Variants in PRELID1 observed in about 807,000 individuals in gnomAD.
PRELID1 encodes PRELI domain containing 1.
Under a neutral mutation model 29.0 loss-of-function variants are expected in PRELID1, and 15 were observed. That is an observed-to-expected ratio of 0.52 (90% CI 0.35 to 0.80). The LOEUF is 0.80. Among genes scored for constraint, PRELID1 ranks in the 30% least tolerant of loss-of-function variants. The probability of loss-of-function intolerance (pLI) is 0.01; values close to 1 mark genes in which losing one functional copy is unlikely to be tolerated. For synonymous variants in PRELID1, 79 were observed against 106.5 expected, an observed-to-expected ratio of 0.74 and a Z score of 1.59; for missense variants, 187 against 275.9, an observed-to-expected ratio of 0.68 and a Z score of 2.28.
rs745528950 is a variant in PRELID1, at chr5:177,306,550, C to G, written c.640C>G (p.Gln214Glu). Residue 214 changes from glutamine to glutamate, a missense_variant, in exon 5 of 5, where the codon CAG (glutamine) becomes GAG (glutamate). Physicochemically the swap from Gln to Glu is conservative, Grantham distance 29 (BLOSUM62 2). Coordinates refer to ENST00000303204, the MANE Select transcript of PRELID1 (RefSeq NM_013237.4). ...ASKAATKKQQ[Q>E]QQQFV ...CAAGGCGGCCACCAAGAAGCAGCAG[C>G]AGCAGCAACAGTTTGTGTAGCCAGT... The G allele has an allele frequency of 1.9e-6, 3 of 1,610,336 alleles. No individual in the cohort carries two copies. The highest frequency in any genetic ancestry group is 4.5e-5 in the East Asian group (2 of 44,830).
chr5:177,304,887 TCTCCC>T lies in PRELID1; in HGVS notation c.318+44_318+48del, dbSNP rs771364417. ...CCTGTTGTGATTCTGCACCTCCCCC[TCTCCC>T]CTCCCCCCGAGATAGAGAGCTCCTC... On this transcript the variant is annotated intron_variant, in intron 2 of 4. Coordinates refer to ENST00000303204, the MANE Select transcript of PRELID1 (RefSeq NM_013237.4). The T allele has an allele frequency of 3.6e-5, 54 of 1,499,662 alleles. No homozygotes were observed. In the South Asian group the frequency reaches 6.1e-4, roughly 17 times the overall value. 92.9% of individuals were successfully genotyped at this position (1,499,662 alleles called of 1,614,324 possible).
At position 177,304,013 on chromosome 5, in the gene PRELID1, G is replaced by A. The variant is rs1169460873; in HGVS notation, c.28G>A (p.Val10Met). The change falls in exon 1 of 5, where the codon GTG becomes ATG. Residue 10 changes from valine (V) to methionine (M), a missense_variant. By Grantham distance (21) the Val-to-Met change is conservative (BLOSUM62 1). Transcript: ENST00000303204. The stretch of plus-strand genomic sequence containing the variant: ...GGTGAAGTATTTCCTGGGCCAGAGC[G>A]TGCTCCGGAGTTCCTGGGACCAAGT... MVKYFLGQS[V>M]LRSSWDQVFA... 2.5e-6 allele frequency: 4 copies of A among 1,611,700 alleles called. No individual in the cohort carries two copies. In the African/African-American group the frequency reaches 5.3e-5, roughly 22 times the overall value.
In PRELID1 at chr5:177,306,092, T is replaced by C; in HGVS notation, c.433-6T>C. On this transcript the variant is annotated splice_region_variant and splice_polypyrimidine_tract_variant and intron_variant, in intron 3 of 4. Coordinates refer to ENST00000303204, the MANE Select transcript of PRELID1 (RefSeq NM_013237.4). ...CAGTATCCTTCCCATTCTCATCTCATGCCAGGAATTTGGTCTTGCCCGATT... is the reference window on the plus strand; with the variant it reads ...CAGTATCCTTCCCATTCTCATCTCACGCCAGGAATTTGGTCTTGCCCGATT... 6.2e-7 allele frequency: 1 copy of C among 1,609,992 alleles called. No individual in the cohort carries two copies. Among genetic ancestry groups the C allele is most frequent in the Admixed American group, 1.7e-5 (1 of 60,018 alleles).
chr5:177,306,704 T>G lies in PRELID1; in HGVS notation c.*134T>G. 1 of 1,315,968 alleles carries G rather than the reference T, an allele frequency of 7.6e-7. No individual in the cohort carries two copies. The highest frequency in any genetic ancestry group is 1.4e-5 in the South Asian group (1 of 71,504). 81.5% of individuals were successfully genotyped at this position (1,315,968 alleles called of 1,614,324 possible). Reference sequence around the variant, plus strand: ...CGTGGTGGGTTGTGGGGATGCAGTTTGGCATCTGCAGTACACCAAGCACAT... The same window carrying G: ...CGTGGTGGGTTGTGGGGATGCAGTTGGGCATCTGCAGTACACCAAGCACAT... On this transcript the variant is annotated 3_prime_UTR_variant, in exon 5 of 5. Transcript: ENST00000303204.
At position 177,304,313 on chromosome 5, in the gene PRELID1, C is replaced by T. The variant is rs141998193; in HGVS notation, c.92+236C>T. The T allele has an allele frequency of 4.0e-4, 242 of 598,872 alleles. 1 individual carries two copies. The African/African-American group carries it at 4.1e-3, about 10-fold the overall frequency. The allele number at this position is 598,872 out of a possible 1,614,324, so 37.1% of individuals were successfully genotyped here. A position where few individuals can be genotyped will look rare whatever the true frequency, so the allele number is the denominator to read the frequency against. On this transcript the variant is annotated intron_variant, in intron 1 of 4. Coordinates refer to ENST00000303204, the MANE Select transcript of PRELID1 (RefSeq NM_013237.4). ...CTCAGTGTGGTGAGACAAGAAGAGG[C>T]GGCAGTATGGGAGTTGGGAGGGATC...
chr5:177,306,403 C>T lies in PRELID1; in HGVS notation c.512-19C>T. ...CTTTCAGGCATCTTCTAAAGGCAGC[C>T]ACCTGCCGTTCGCGACAGGCGAGGC... is the stretch of plus-strand genomic sequence containing the variant. On this transcript the variant is annotated intron_variant, in intron 4 of 4. Transcript: ENST00000303204. 6.2e-7 allele frequency: 1 copy of T among 1,613,874 alleles called. No individual in the cohort carries two copies. Among genetic ancestry groups the T allele is most frequent in the South Asian group, 1.1e-5 (1 of 91,030 alleles).
In PRELID1 at chr5:177,306,002, G is replaced by T. The variant is rs1320989673; in HGVS notation, c.432+18G>T. 13 of 1,609,736 alleles carry T rather than the reference G, an allele frequency of 8.1e-6. No homozygotes were observed. Among genetic ancestry groups the T allele is most frequent in the South Asian group, 1.1e-5 (1 of 91,000 alleles). On this transcript the variant is annotated intron_variant, in intron 3 of 4. Coordinates refer to ENST00000303204, the MANE Select transcript of PRELID1 (RefSeq NM_013237.4). ...CTGTCCAGGTGAGCAGTGTTGTTGG[G>T]GCTGCTGGGGCTCTGGGACCCAGTG...
intron 1 of PRELID1, chr5:177,304,335 G>T: frequency 1.7e-6 from 1 of 598,758 alleles, no homozygotes; most frequent in South Asian, 2.0e-5. Context: ...AGTTGGGAGG[G>T]ATCTTGGAGT....
chr5:177,305,992 GTGT>G lies in PRELID1; in HGVS notation c.432+14_432+16del, dbSNP rs770226639. On this transcript the variant is annotated intron_variant, in intron 3 of 4. Coordinates refer to ENST00000303204, the MANE Select transcript of PRELID1 (RefSeq NM_013237.4). ...GTCTCCAGAGCTGTCCAGGTGAGCA[GTGT>G]TGTTGGGGCTGCTGGGGCTCTGGGA... The G allele has an allele frequency of 3.1e-6, 5 of 1,612,756 alleles. No homozygotes were observed. The East Asian group carries it at 8.9e-5, about 29-fold the overall frequency.
At position 177,306,490 on chromosome 5, in the gene PRELID1, C is replaced by T; in HGVS notation, c.580C>T (p.Leu194=). ...CAAGGAGAAGGCAAAGGAGACGGCA[C>T]TGGCAGCTACAGAGAAGGCCAAGGA... ...EAKEKAKETA[L]AATEKAKDLA... is the part of the protein sequence containing the mutation. The change falls in exon 5 of 5, where the codon CTG becomes TTG. Residue 194 remains leucine, a synonymous_variant. Coordinates refer to ENST00000303204, the MANE Select transcript of PRELID1 (RefSeq NM_013237.4). 6.2e-7 allele frequency: 1 copy of T among 1,613,908 alleles called. No homozygotes were observed. Among genetic ancestry groups the T allele is most frequent in the Non-Finnish European group, 8.5e-7 (1 of 1,179,914 alleles).
chr5:177,303,936 C>G lies in PRELID1; in HGVS notation c.-50C>G. ...GCCCGGCCCTCGCGTGCCTCCCAGG[C>G]TCCGCACCCCTGATGCTGCGCGGGT... is the stretch of plus-strand genomic sequence containing the variant. On this transcript the variant is annotated 5_prime_UTR_variant, in exon 1 of 5. Transcript: ENST00000303204. The surrounding 1 kb of genome is among the most constrained non-coding windows in gnomAD (Gnocchi z 6.1). The G allele has an allele frequency of 6.5e-7, 1 of 1,544,280 alleles. No homozygotes were observed. Among genetic ancestry groups the G allele is most frequent in the Non-Finnish European group, 8.8e-7 (1 of 1,136,090 alleles).
At chr5:177,304,600 G>A (rs369088627) in intron 1 of PRELID1, 25 bp from the exon 2 acceptor site, 1 of 1,587,486 alleles carries the variant, frequency 6.3e-7, no homozygotes, top group Admixed American at 1.7e-5. Flanking sequence ...GCTTCTGAGG[G>A]TCACCTTCAC....
At chr5:177,306,329 G>T (rs747062777) in intron 4 of PRELID1, 93 bp from the exon 5 acceptor site, 2 of 1,592,976 alleles carry the variant, frequency 1.3e-6, no homozygotes, top group Non-Finnish European at 1.7e-6. Flanking sequence ...TTTTAGTGGA[G>T]CCTGGCCCAG....
In PRELID1 at chr5:177,304,899, C is replaced by T. The variant is rs201237366; in HGVS notation, c.318+49C>T. 574 of 1,480,478 alleles carry T rather than the reference C, an allele frequency of 3.9e-4. 1 individual carries two copies. In the African/African-American group the frequency reaches 3.9e-3, roughly 10 times the overall value. The allele number at this position is 1,480,478 out of a possible 1,614,324, so 91.7% of individuals were successfully genotyped here. The stretch of plus-strand genomic sequence containing the variant: ...CTGCACCTCCCCCTCTCCCCTCCCC[C>T]CGAGATAGAGAGCTCCTCAGATACA... On this transcript the variant is annotated intron_variant, in intron 2 of 4. Coordinates refer to ENST00000303204, the MANE Select transcript of PRELID1 (RefSeq NM_013237.4).
At chr5:177,305,474 TAA>T in intron 2 of PRELID1, 1 of 231,350 alleles carries the variant, frequency 4.3e-6, no homozygotes, top group South Asian at 5.1e-5. Flanking sequence ...CCCAAAGTGC[TAA>T]GATTACAGGC....
Position 177,305,972 on chromosome 5 carries a change from C to T in PRELID1, c.420C>T (p.Ser140=). The change falls in exon 3 of 5, where the codon TCC becomes TCT. Residue 140 remains serine, a synonymous_variant. Transcript: ENST00000303204. ...TCTCCTCTAGCTTATTTGGTGTCTC[C>T]AGAGCTGTCCAGGTGAGCAGTGTTG... ...AWVSSSLFGV[S]RAVQEFGLAR... is the part of the protein sequence containing the mutation. 1 of 1,613,942 alleles carries T rather than the reference C, an allele frequency of 6.2e-7. No homozygotes were observed. The highest frequency in any genetic ancestry group is 8.5e-7 in the Non-Finnish European group (1 of 1,179,844).
rs887178898 is a variant in PRELID1, at chr5:177,305,886, T to C, written c.334T>C (p.Cys112Arg). ...HARLMVVEER[C>R]VYCVNSDNSG... is the part of the protein sequence containing the mutation. ...CTCTGCATAGGTGGTGGAGGAACGA[T>C]GTGTTTACTGTGTGAACTCTGACAA... Residue 112 changes from cysteine (C) to arginine (R), a missense_variant, in exon 3 of 5, where the codon TGT (cysteine) becomes CGT (arginine). By Grantham distance (180) the Cys-to-Arg change is radical. Coordinates refer to ENST00000303204, the MANE Select transcript of PRELID1 (RefSeq NM_013237.4). 1.2e-6 allele frequency: 2 copies of C among 1,613,952 alleles called. No individual in the cohort carries two copies. Among genetic ancestry groups the C allele is most frequent in the Admixed American group, 1.7e-5 (1 of 60,028 alleles).
chr5:177,304,214 C>A, intron 1 of PRELID1, 137 bp downstream of exon 1: 1 of 870,856 alleles, frequency 1.1e-6, no homozygotes, highest in Non-Finnish European at 1.8e-6. Flanking sequence ...GCGGCCAGGC[C>A]AGGCCTGCAA....
chr5:177,304,829 C>A lies in PRELID1; in HGVS notation c.297C>A (p.Asn99Lys). ...QNQTMTTFTW[N>K]INHARLMVVE... ...AGACCATGACTACCTTCACCTGGAA[C>A]ATCAACCACGCCCGGCTGATGGTGA... The change falls in exon 2 of 5, where the codon AAC (asparagine) becomes AAA (lysine). Residue 99 changes from asparagine (N) to lysine (K), a missense_variant. By Grantham distance (94) the Asn-to-Lys change is moderately conservative. Coordinates refer to ENST00000303204, the MANE Select transcript of PRELID1 (RefSeq NM_013237.4). 1 of 1,613,000 alleles carries A rather than the reference C, an allele frequency of 6.2e-7. No individual in the cohort carries two copies. The highest frequency in any genetic ancestry group is 8.5e-7 in the Non-Finnish European group (1 of 1,179,274).
Sources: allele counts gnomAD v4.1 joint callset, GRCh38; gene constraint gnomAD v4.1.1; non-coding constraint Gnocchi (gnomAD v3.1); transcripts MANE v1.5; gene names NCBI Gene and HGNC (gene_info 2026-07-23, HGNC 2026-07-21).